DOCK1: variants seen among roughly 807,000 people sequenced by gnomAD.
DOCK1 encodes dedicator of cytokinesis protein 1.
DOCK1 carries 138 observed loss-of-function variants against 262.7 expected under a neutral mutation model. That is an observed-to-expected ratio of 0.53 (90% CI 0.46 to 0.61). The LOEUF (loss-of-function observed/expected upper bound fraction) is 0.61. Among genes scored for constraint, DOCK1 ranks in the 20% least tolerant of loss-of-function variants. The probability of loss-of-function intolerance (pLI) is 0.00; values close to 1 mark genes in which losing one functional copy is unlikely to be tolerated. For missense variants in DOCK1, 1,908 were observed against 2,370.7 expected, an observed-to-expected ratio of 0.80 and a Z score of 4.05; for synonymous variants, 866 against 867.4, an observed-to-expected ratio of 1.00 and a Z score of 0.03.
At chr10:127,354,821 A>G (rs1253103188) in intron 32 of DOCK1, 94 bp downstream of exon 32, 23 of 1,458,222 alleles carry the variant, frequency 1.6e-5, no homozygotes, top group South Asian at 9.5e-5. Context: ...ATGTCTTAAG[A>G]TCTTAATGGC....
chr10:127,412,228 C>T (rs959030196), intron 43 of DOCK1, among the ~76,000 whole-genome samples: 1 of 152,266 alleles, frequency 6.6e-6, no homozygotes, highest in Admixed American at 6.5e-5. Context: ...TCCCAAAGTG[C>T]TGGGATTACA....
chr10:127,090,082 A>C (rs1444975452), intron 23 of DOCK1, among the ~76,000 whole-genome samples: 1 of 152,144 alleles, frequency 6.6e-6, no homozygotes, highest in African/African-American at 2.4e-5. Flanking sequence ...AGTTCTGGAC[A>C]GTGATTGCTG....
At chr10:127,114,471 G>C (rs779226643) in intron 25 of DOCK1, among the ~76,000 whole-genome samples, 1 of 152,166 alleles carries the variant, frequency 6.6e-6, no homozygotes, top group Non-Finnish European at 1.5e-5. Context: ...GGAGCAAAGG[G>C]AGAGGGAGAA....
Position 126,987,551 on chromosome 10 carries a change from C to A in DOCK1, c.258C>A (p.Leu86=), listed in dbSNP as rs967773581. ...ATGAAACAGTCATCCCGGGTGACCT[C>A]CCCCTCATCCAGGAAGTCACCACGA... ...GQHETVIPGD[L]PLIQEVTTTL... Residue 86 remains leucine, a synonymous_variant, in exon 5 of 52, where the codon CTC becomes CTA. Transcript: ENST00000623213. 1 of 1,581,262 alleles carries A rather than the reference C, an allele frequency of 6.3e-7. No homozygotes were observed. The highest frequency in any genetic ancestry group is 8.6e-7 in the Non-Finnish European group (1 of 1,163,434).
chr10:126,964,492 C>T (rs1034815014), intron 1 of DOCK1, among the ~76,000 whole-genome samples: 19 of 152,338 alleles, frequency 1.2e-4, no homozygotes, highest in East Asian at 5.8e-4. Flanking sequence ...CGTGTGAGGA[C>T]GTGGCCTTTG....
At chr10:127,351,513 G>T (rs2063879892) in intron 31 of DOCK1, among the ~76,000 whole-genome samples, 1 of 152,196 alleles carries the variant, frequency 6.6e-6, no homozygotes, top group South Asian at 2.1e-4. Flanking sequence ...GGGTGTGGGA[G>T]TCTGAGGACT....
chr10:127,254,948 C>T (rs2059778816), intron 28 of DOCK1, among the ~76,000 whole-genome samples: 1 of 152,164 alleles, frequency 6.6e-6, no homozygotes, highest in African/African-American at 2.4e-5. Context: ...TCCCCTGTGG[C>T]AGTCCAGGTG....
At chr10:126,929,436 C>A (rs2034018601) in intron 1 of DOCK1, among the ~76,000 whole-genome samples, 1 of 152,126 alleles carries the variant, frequency 6.6e-6, no homozygotes, top group African/African-American at 2.4e-5. Context: ...TTAGGAGCTT[C>A]AGAGTGTTTG....
intron 38 of DOCK1, 88 bp from the exon 39 acceptor site, chr10:127,402,967 G>GAATGA: frequency 8.4e-7 from 1 of 1,194,264 alleles, no homozygotes; most frequent in East Asian, 2.5e-5. Flanking sequence ...CTTCTACACT[G>GAATGA]TTTTATTTTG....
intron 46 of DOCK1, among the ~76,000 whole-genome samples, chr10:127,424,563 G>C (rs905806124): frequency 6.6e-6 from 1 of 152,030 alleles, no homozygotes; most frequent in Non-Finnish European, 1.5e-5. Flanking sequence ...CAACACATTC[G>C]ACATCCCACC....
chr10:127,095,284 C>T (rs754573525), intron 23 of DOCK1, among the ~76,000 whole-genome samples: 1 of 152,176 alleles, frequency 6.6e-6, no homozygotes, highest in Non-Finnish European at 1.5e-5. Context: ...ATCACTGTAG[C>T]CCTATCCTGA....
rs1248951294 is a variant in DOCK1, at chr10:127,000,256, A to G, written c.934A>G (p.Asn312Asp). 7 of 1,614,046 alleles carry G rather than the reference A, an allele frequency of 4.3e-6. No individual in the cohort carries two copies. Among genetic ancestry groups the G allele is most frequent in the South Asian group, 3.3e-5 (3 of 91,078 alleles). Residue 312 changes from asparagine to aspartate, a missense_variant, in exon 10 of 52, where the codon AAC becomes GAC. Asn to Asp is a conservative substitution (Grantham distance 23). Around this residue, in one of 9 missense-constraint regions of DOCK1, gnomAD observed 102 missense variants for 154.9 expected, o/e 0.66. Transcript: ENST00000623213. ...CGTGGGTCGCATGGAGCTGAGGGAC[A>G]ACAACACCAGGAAACTGACCTCGGG... ...VRVGRMELRDNNTRKLTSGLR... is the reference protein window; with the variant it reads ...VRVGRMELRDDNTRKLTSGLR...
At chr10:127,074,444 C>A (rs967544331) in intron 23 of DOCK1, among the ~76,000 whole-genome samples, 4 of 152,130 alleles carry the variant, frequency 2.6e-5, no homozygotes, top group African/African-American at 9.7e-5. Context: ...AATCCTGTGC[C>A]AGGCAATATA....
intron 24 of DOCK1, among the ~76,000 whole-genome samples, chr10:127,107,563 C>T (rs1248924703): frequency 6.6e-6 from 1 of 152,182 alleles, no homozygotes; most frequent in Admixed American, 6.5e-5. Context: ...CCACCTGGCG[C>T]GCTGTAGAGT....
Position 127,451,391 on chromosome 10 carries a change from C to A in DOCK1, c.5625C>A (p.Arg1875=), listed in dbSNP as rs779694143. 6.3e-7 allele frequency: 1 copy of A among 1,598,916 alleles called. No homozygotes were observed. The highest frequency in any genetic ancestry group is 2.3e-5 in the East Asian group (1 of 44,006). ...CTCCTCCCCCTCCAAAGACAACTCG[C>A]AAGCAGGCATCGGTGGACTCCGGGA... The part of the protein sequence containing the change: ...TPPPPPPKTT[R]KQASVDSGIV... The change falls in exon 52 of 52, where the codon CGC becomes CGA. Residue 1875 remains arginine (R), a synonymous_variant. Transcript: ENST00000623213.
At chr10:127,040,286 C>A (rs1166001979) in intron 19 of DOCK1, among the ~76,000 whole-genome samples, 1 of 152,224 alleles carries the variant, frequency 6.6e-6, no homozygotes, top group Non-Finnish European at 1.5e-5. Context: ...TGATTAATCC[C>A]TTGACATCCA....
At chr10:127,404,809 T>G (rs2067424093) in intron 40 of DOCK1, among the ~76,000 whole-genome samples, 1 of 152,342 alleles carries the variant, frequency 6.6e-6, no homozygotes, top group Non-Finnish European at 1.5e-5. Context: ...CTTTTTCATC[T>G]TGCAAAACTG....
At position 127,415,149 on chromosome 10, in the gene DOCK1, C is replaced by A. The variant is rs1422637924; in HGVS notation, c.4429-3C>A. 6.2e-7 allele frequency: 1 copy of A among 1,612,798 alleles called. No individual in the cohort carries two copies. The highest frequency in any genetic ancestry group is 1.1e-5 in the South Asian group (1 of 90,484). Reference sequence around the variant, plus strand: ...GTGTTGTGTGTGTGTGTTTCCTTTGCAGAATATGTGGATCGAGAGAACCAT... The same window carrying A: ...GTGTTGTGTGTGTGTGTTTCCTTTGAAGAATATGTGGATCGAGAGAACCAT... On this transcript the variant is annotated splice_region_variant and splice_polypyrimidine_tract_variant and intron_variant, in intron 43 of 51. Coordinates refer to ENST00000623213, the MANE Select transcript of DOCK1 (RefSeq NM_001290223.2).
chr10:127,148,129 C>A (rs1402528589), intron 27 of DOCK1, among the ~76,000 whole-genome samples: 4 of 151,066 alleles, frequency 2.6e-5, no homozygotes. Context: ...CAATGCGTTT[C>A]ACAAGCTCCC....
Sources: gnomAD v4.1 joint callset for allele counts (sites outside exome capture counted in the v4.1 genomes callset) on GRCh38, gnomAD v4.1.1 for gene constraint, gnomAD v4.1.1 regional missense constraint, MANE v1.5 for transcripts, NCBI Gene and HGNC (gene_info 2026-07-23, HGNC 2026-07-21) for gene names.